The following CFAP299 variants were observed in gnomAD, a reference collection of about 807,000 sequenced individuals.
The protein encoded by CFAP299 is cilia- and flagella-associated protein 299.
Under a neutral mutation model 27.0 loss-of-function variants are expected in CFAP299, and 21 were observed. That is an observed-to-expected ratio of 0.78 (90% CI 0.55 to 1.12). The LOEUF is 1.12. CFAP299 is among the 50% of genes most tolerant of loss of function. The pLI is 0.00. For synonymous variants in CFAP299, 104 were observed against 98.1 expected (o/e 1.06, Z -0.36); for missense variants, 310 against 276.6 (o/e 1.12, Z -0.86).
intron 3 of CFAP299, among the ~76,000 whole-genome samples, chr4:80,759,839 T>C (rs1725451873): frequency 6.6e-6 from 1 of 152,200 alleles, no homozygotes; most frequent in Non-Finnish European, 1.5e-5. Context: ...TCCTTAACTT[T>C]ATTCACCTAA....
chr4:80,505,484 A>G (rs961889684), intron 2 of CFAP299, among the ~76,000 whole-genome samples: 2 of 152,218 alleles, frequency 1.3e-5, no homozygotes, highest in Non-Finnish European at 1.5e-5. Context: ...TAACAACTGA[A>G]AAAAGGACTA....
intron 2 of CFAP299, among the ~76,000 whole-genome samples, chr4:80,521,043 AC>A (rs1732882684): frequency 2.0e-5 from 3 of 152,278 alleles, no homozygotes; most frequent in Non-Finnish European, 4.4e-5. Context: ...AATAGAGGAA[AC>A]TTTTGCGATT....
Position 80,836,018 on chromosome 4 carries a change from C to T in CFAP299, c.334-33975C>T, listed in dbSNP as rs368014643. Reference sequence around the variant, plus strand: ...TGCTCATTTTCTCCTCTTACTTTTCCGTTGAAGATACTCTTACATATTGAG... The same window carrying T: ...TGCTCATTTTCTCCTCTTACTTTTCTGTTGAAGATACTCTTACATATTGAG... On this transcript the variant is annotated intron_variant, in intron 3 of 5. Coordinates refer to ENST00000358105, the MANE Select transcript of CFAP299 (RefSeq NM_152770.3). Among the ~76,000 whole-genome samples, 83 of 152,164 alleles carry T rather than the reference C, an allele frequency of 5.5e-4. 2 individuals are homozygous for T. In the South Asian group the frequency reaches 0.015, roughly 28 times the overall value.
chr4:80,630,382 G>A (rs756373296), intron 3 of CFAP299, among the ~76,000 whole-genome samples: 21 of 152,054 alleles, frequency 1.4e-4, no homozygotes, highest in African/African-American at 7.2e-5. Flanking sequence ...TACCTTTAAA[G>A]ATGTCTTAAA....
At chr4:80,785,333 T>C (rs1178197766) in intron 3 of CFAP299, among the ~76,000 whole-genome samples, 1 of 152,158 alleles carries the variant, frequency 6.6e-6, no homozygotes, top group Non-Finnish European at 1.5e-5. Flanking sequence ...TGGTATCCTA[T>C]TTTCCCGCCC....
intron 4 of CFAP299, among the ~76,000 whole-genome samples, chr4:80,904,160 G>A (rs750351002): frequency 6.6e-6 from 1 of 152,134 alleles, no homozygotes; most frequent in Non-Finnish European, 1.5e-5. Flanking sequence ...ATAGCCCTCT[G>A]CCAGGTGTGA....
At chr4:80,688,310 G>A (rs1172478693) in intron 3 of CFAP299, among the ~76,000 whole-genome samples, 1 of 152,204 alleles carries the variant, frequency 6.6e-6, no homozygotes, top group African/African-American at 2.4e-5. Flanking sequence ...TTTGAAGAGA[G>A]CAGTGGTTCT....
chr4:80,946,618 A>G (rs948253466), intron 5 of CFAP299, among the ~76,000 whole-genome samples: 8 of 152,218 alleles, frequency 5.3e-5, no homozygotes, highest in African/African-American at 1.9e-4. Flanking sequence ...GACAACTGGC[A>G]GGTTCTAACA....
Position 80,523,586 on chromosome 4 carries a change from T to C in CFAP299, c.243-59507T>C, listed in dbSNP as rs144112056. 2.0e-5 allele frequency among the ~76,000 whole-genome samples: 3 copies of C among 152,238 alleles called. No individual in the cohort carries two copies. The East Asian group carries it at 5.8e-4, about 29-fold the overall frequency. Reference sequence around the variant, plus strand: ...TGTCCTCACCAATGTGGGTGAAGCATCATTCAATCCGTTGAGTTCAAATAG... The same window carrying C: ...TGTCCTCACCAATGTGGGTGAAGCACCATTCAATCCGTTGAGTTCAAATAG... On this transcript the variant is annotated intron_variant, in intron 2 of 5. Coordinates refer to ENST00000358105, the MANE Select transcript of CFAP299 (RefSeq NM_152770.3).
At chr4:80,459,052 C>T (rs1729311757) in intron 2 of CFAP299, among the ~76,000 whole-genome samples, 2 of 152,172 alleles carry the variant, frequency 1.3e-5, no homozygotes, top group Non-Finnish European at 1.5e-5. Context: ...GCACTCACAG[C>T]TCACTGCAAC....
intron 3 of CFAP299, among the ~76,000 whole-genome samples, chr4:80,861,580 C>A (rs1732366545): frequency 6.6e-6 from 1 of 152,140 alleles, no homozygotes; most frequent in Non-Finnish European, 1.5e-5. Flanking sequence ...TTATTCTTAA[C>A]CACTTGTTCT....
At chr4:80,959,242 GAT>G (rs1738218312) in intron 5 of CFAP299, among the ~76,000 whole-genome samples, 1 of 150,646 alleles carries the variant, frequency 6.6e-6, no homozygotes, top group Non-Finnish European at 1.5e-5. Context: ...CCTTGAGATA[GAT>G]ATAAGACATA....
chr4:80,397,668 G>A (rs996942352), intron 2 of CFAP299, among the ~76,000 whole-genome samples: 8 of 152,044 alleles, frequency 5.3e-5, no homozygotes, highest in Admixed American at 4.6e-4. Context: ...AATAAATTAG[G>A]TATTGATGGG....
At chr4:80,587,850 C>T (rs995546731) in intron 3 of CFAP299, among the ~76,000 whole-genome samples, 2 of 151,540 alleles carry the variant, frequency 1.3e-5, no homozygotes, top group African/African-American at 4.9e-5. Context: ...CCTGGGCCTC[C>T]CAAAGTGCAG....
intron 3 of CFAP299, among the ~76,000 whole-genome samples, chr4:80,702,856 T>C (rs1721590118): frequency 6.6e-6 from 1 of 151,734 alleles, no homozygotes; most frequent in African/African-American, 2.4e-5. Context: ...TTGTGGCGTA[T>C]CTCTGTAGTA....
intron 2 of CFAP299, among the ~76,000 whole-genome samples, chr4:80,365,803 G>A (rs1049613670): frequency 2.0e-5 from 3 of 152,168 alleles, no homozygotes; most frequent in Non-Finnish European, 4.4e-5. Flanking sequence ...ATATCAAGAC[G>A]AGTTATTCAT....
intron 3 of CFAP299, among the ~76,000 whole-genome samples, chr4:80,788,843 T>A (rs1055465861): frequency 3.3e-5 from 5 of 152,068 alleles, no homozygotes; most frequent in Non-Finnish European, 7.4e-5. Context: ...TAGAAAGTCC[T>A]TGTTTATTAG....
At chr4:80,568,150 G>A (rs928478913) in intron 2 of CFAP299, among the ~76,000 whole-genome samples, 1 of 151,778 alleles carries the variant, frequency 6.6e-6, no homozygotes, top group Non-Finnish European at 1.5e-5. Context: ...AAAAATGAGT[G>A]TGTGTTATTC....
At chr4:80,635,886 T>TC (rs982588857) in intron 3 of CFAP299, among the ~76,000 whole-genome samples, 8 of 152,102 alleles carry the variant, frequency 5.3e-5, no homozygotes, top group African/African-American at 1.9e-4. Flanking sequence ...AATTTGGAGA[T>TC]CTCAGGTCTT....
Sources: gnomAD v4.1 joint callset for allele counts (sites outside exome capture counted in the v4.1 genomes callset) on GRCh38, gnomAD v4.1.1 for gene constraint, MANE v1.5 for transcripts, NCBI Gene and HGNC (gene_info 2026-07-23, HGNC 2026-07-21) for gene names.